The following KCNH7 variants were observed in gnomAD, a reference collection of about 807,000 sequenced individuals.
KCNH7 encodes potassium voltage-gated channel subfamily H member 7.
In KCNH7, 49 loss-of-function variants were observed where a neutral mutation model predicts 120.8. That is an observed-to-expected ratio of 0.41 (90% CI 0.32 to 0.51). The LOEUF (loss-of-function observed/expected upper bound fraction) is 0.51. Among genes scored for constraint, KCNH7 ranks in the 20% least tolerant of loss-of-function variants. The pLI, the probability that KCNH7 is intolerant of heterozygous loss-of-function variation, is 0.38. For synonymous variants in KCNH7, 547 were observed against 516.1 expected (o/e 1.06, Z -0.81); for missense variants, 1,097 against 1,446.6 (o/e 0.76, Z 3.92).
intron 2 of KCNH7, among the ~76,000 whole-genome samples, chr2:162,820,367 CG>C (rs1685075795): frequency 6.6e-6 from 1 of 152,002 alleles, no homozygotes; most frequent in African/African-American, 2.4e-5. Flanking sequence ...TGAGCCACCA[CG>C]CACAGCCTAT....
intron 2 of KCNH7, among the ~76,000 whole-genome samples, chr2:162,699,068 A>G (rs1258572907): frequency 6.6e-6 from 1 of 152,100 alleles, no homozygotes; most frequent in Admixed American, 6.6e-5. Context: ...CATGCTTATC[A>G]TTTTTTGTGG....
chr2:162,507,310 A>G (rs918344397), intron 5 of KCNH7, among the ~76,000 whole-genome samples: 1 of 151,662 alleles, frequency 6.6e-6, no homozygotes, highest in Non-Finnish European at 1.5e-5. Context: ...TTAAATTTTC[A>G]AAGAATTACC....
intron 9 of KCNH7, among the ~76,000 whole-genome samples, chr2:162,420,182 C>A (rs7574404): frequency 0.016 from 2,405 of 152,208 alleles, 62 homozygotes; most frequent in African/African-American, 0.055. Flanking sequence ...CCAAGACCAT[C>A]CTGGCCAACA....
Position 162,838,476 on chromosome 2 carries a change from G to A in KCNH7, c.43C>T (p.Leu15=), listed in dbSNP as rs762938101. ...TCAAATTTCCGAATGATGGTCCCCA[G>A]AAATGTATTTTGTGGTGCCACATGC... ...RGHVAPQNTF[L]GTIIRKFEGQ... The change falls in exon 1 of 16, where the codon CTG becomes TTG. Residue 15 remains leucine (L), a synonymous_variant. Transcript: ENST00000332142. The A allele has an allele frequency of 2.5e-6, 4 of 1,613,758 alleles. No individual in the cohort carries two copies. The highest frequency in any genetic ancestry group is 3.4e-6 in the Non-Finnish European group (4 of 1,179,942).
At position 162,826,717 on chromosome 2, in the gene KCNH7, C is replaced by T. The variant is rs146577605; in HGVS notation, c.307+9820G>A. ...GTAAATGGGTGTATTGCTGGGTTCT[C>T]GTAAGTCTGTTCTTTGCTCTCCCAT... On this transcript the variant is annotated intron_variant, in intron 2 of 15. Transcript: ENST00000332142. 2.2e-3 allele frequency among the ~76,000 whole-genome samples: 333 copies of T among 152,198 alleles called. 5 individuals carry two copies. In the East Asian group the frequency reaches 0.026, roughly 12 times the overall value.
chr2:162,721,118 G>A (rs1054847313), intron 2 of KCNH7, among the ~76,000 whole-genome samples: 59 of 152,114 alleles, frequency 3.9e-4, no homozygotes, highest in African/African-American at 1.3e-3. Context: ...ACATCATTGT[G>A]TGGCATTTCT....
intron 9 of KCNH7, among the ~76,000 whole-genome samples, 173 bp from the exon 10 acceptor site, chr2:162,400,614 A>C (rs998855184): frequency 6.6e-6 from 1 of 151,896 alleles, no homozygotes; most frequent in Non-Finnish European, 1.5e-5. Flanking sequence ...AACATGTCAA[A>C]ATTTTTAACT....
At chr2:162,804,008 C>T (rs1230108304) in intron 2 of KCNH7, among the ~76,000 whole-genome samples, 4 of 151,620 alleles carry the variant, frequency 2.6e-5, no homozygotes, top group African/African-American at 7.3e-5. Context: ...TATCTGACAC[C>T]ATTAGTAAAA....
In KCNH7 at chr2:162,457,435, C is replaced by G. The variant is rs551853617; in HGVS notation, c.1129-10992G>C. On this transcript the variant is annotated intron_variant, in intron 6 of 15. Coordinates refer to ENST00000332142, the MANE Select transcript of KCNH7 (RefSeq NM_033272.4). Reference sequence around the variant, plus strand: ...AATTAAGCATACAGTTTAGTACAGCCTAAAATGTAGTTTTCTTTACCAAAT... The same window carrying G: ...AATTAAGCATACAGTTTAGTACAGCGTAAAATGTAGTTTTCTTTACCAAAT... Among the ~76,000 whole-genome samples the G allele has an allele frequency of 3.3e-5, 5 of 152,242 alleles. No homozygotes were observed. The East Asian group carries it at 9.7e-4, about 29-fold the overall frequency.
intron 2 of KCNH7, among the ~76,000 whole-genome samples, chr2:162,766,129 T>C (rs959663123): frequency 2.0e-4 from 31 of 152,176 alleles, no homozygotes; most frequent in African/African-American, 7.5e-4. Context: ...AAAAAGCATT[T>C]AATGTTTTTG....
At chr2:162,424,762 A>T (rs570068643) in intron 8 of KCNH7, among the ~76,000 whole-genome samples, 1 of 152,322 alleles carries the variant, frequency 6.6e-6, no homozygotes, top group African/African-American at 2.4e-5. Flanking sequence ...ATGATTGGTT[A>T]TCAAGATCCT....
intron 8 of KCNH7, among the ~76,000 whole-genome samples, chr2:162,426,168 C>T (rs1687854840): frequency 6.8e-6 from 1 of 147,772 alleles, no homozygotes; most frequent in African/African-American, 2.5e-5. Flanking sequence ...GAGCCAAGTT[C>T]ACGCCACTGC....
intron 2 of KCNH7, among the ~76,000 whole-genome samples, chr2:162,713,414 A>T (rs2105361475): frequency 6.6e-6 from 1 of 152,272 alleles, no homozygotes; most frequent in South Asian, 2.1e-4. Context: ...AACTGTACTG[A>T]ATACCTAGAA....
At chr2:162,436,012 G>C (rs1688223779) in intron 7 of KCNH7, among the ~76,000 whole-genome samples, 1 of 152,080 alleles carries the variant, frequency 6.6e-6, no homozygotes, top group Non-Finnish European at 1.5e-5. Context: ...AACAGACAAA[G>C]TGTCTAATCT....
intron 2 of KCNH7, among the ~76,000 whole-genome samples, chr2:162,563,607 C>T (rs1404784526): frequency 4.6e-5 from 7 of 152,152 alleles, no homozygotes; most frequent in Non-Finnish European, 1.0e-4. Flanking sequence ...AATATGACTA[C>T]TTACCTACTA....
intron 2 of KCNH7, among the ~76,000 whole-genome samples, chr2:162,605,523 A>G (rs1682717900): frequency 6.6e-6 from 1 of 152,146 alleles, no homozygotes; most frequent in Admixed American, 6.6e-5. Flanking sequence ...ACAGACACCT[A>G]GAGAATCACA....
At chr2:162,728,447 ATTTTC>A (rs1320184942) in intron 2 of KCNH7, among the ~76,000 whole-genome samples, 1 of 151,976 alleles carries the variant, frequency 6.6e-6, no homozygotes, top group Non-Finnish European at 1.5e-5. Context: ...TTGTCTTTTT[ATTTTC>A]TTGATAGTGT....
At chr2:162,803,023 A>G (rs2105547288) in intron 2 of KCNH7, among the ~76,000 whole-genome samples, 1 of 151,852 alleles carries the variant, frequency 6.6e-6, no homozygotes, top group East Asian at 1.9e-4. Flanking sequence ...ACATTTAACC[A>G]TAGCATTAAT....
intron 2 of KCNH7, among the ~76,000 whole-genome samples, chr2:162,594,895 A>T (rs924974473): frequency 6.6e-6 from 1 of 152,024 alleles, no homozygotes; most frequent in Non-Finnish European, 1.5e-5. Flanking sequence ...ACCAAGAGAC[A>T]ATTACACTAG....
Sources: allele counts gnomAD v4.1 joint callset (sites outside exome capture counted in the v4.1 genomes callset), GRCh38; gene constraint gnomAD v4.1.1; transcripts MANE v1.5; gene names NCBI Gene and HGNC (gene_info 2026-07-23, HGNC 2026-07-21).